The following CSMD1 variants were observed in gnomAD, a reference collection of about 807,000 sequenced individuals.
CSMD1 encodes the protein CUB and Sushi multiple domains 1.
A neutral mutation model predicts 417.5 loss-of-function variants in CSMD1; 213 were observed. That is an observed-to-expected ratio of 0.51 (90% CI 0.46 to 0.57). The LOEUF (loss-of-function observed/expected upper bound fraction) is 0.57. CSMD1 is among the 20% of genes least tolerant of loss of function. The pLI, the probability that CSMD1 is intolerant of heterozygous loss-of-function variation, is 0.00. For missense variants in CSMD1, 6,923 were observed against 4,529.7 expected (o/e 1.53, Z -15.17); for synonymous variants, 2,862 against 1,736.8 (o/e 1.65, Z -16.11).
intron 3 of CSMD1, among the ~76,000 whole-genome samples, chr8:4,321,577 G>T (rs928310203): frequency 6.6e-6 from 1 of 151,750 alleles, no homozygotes; most frequent in Admixed American, 6.6e-5. Context: ...TAAATGGTGT[G>T]AGTATCTGGT....
intron 68 of CSMD1, among the ~76,000 whole-genome samples, chr8:2,948,864 T>C (rs907712656): frequency 6.6e-6 from 1 of 152,096 alleles, no homozygotes; most frequent in Admixed American, 6.6e-5. Context: ...AACTTTGTCA[T>C]TCTGATAACT....
intron 23 of CSMD1, among the ~76,000 whole-genome samples, chr8:3,331,687 C>T (rs562181090): frequency 5.3e-5 from 8 of 152,274 alleles, no homozygotes; most frequent in Admixed American, 2.6e-4. Flanking sequence ...TTACCATGGC[C>T]CCCAAAGACA....
intron 26 of CSMD1, among the ~76,000 whole-genome samples, chr8:3,231,670 A>C (rs1798847540): frequency 1.3e-5 from 2 of 152,194 alleles, no homozygotes; most frequent in South Asian, 4.1e-4. Flanking sequence ...GGACAAGAGA[A>C]AATGTTAAAC....
chr8:3,667,817 C>T (rs971508678), intron 7 of CSMD1, among the ~76,000 whole-genome samples: 1 of 152,172 alleles, frequency 6.6e-6, no homozygotes, highest in African/African-American at 2.4e-5. Flanking sequence ...AGGGCAAATT[C>T]ATGAACAGCA....
chr8:4,302,357 T>C (rs1798024264), intron 3 of CSMD1, among the ~76,000 whole-genome samples: 1 of 152,222 alleles, frequency 6.6e-6, no homozygotes, highest in Non-Finnish European at 1.5e-5. Context: ...TTCATAGTGA[T>C]AATGTATCAA....
chr8:3,139,208 G>A (rs1818290466), intron 41 of CSMD1, among the ~76,000 whole-genome samples: 1 of 152,174 alleles, frequency 6.6e-6, no homozygotes, highest in Admixed American at 6.5e-5. Context: ...GGAGGCACAG[G>A]CACAAGAGTT....
intron 2 of CSMD1, among the ~76,000 whole-genome samples, chr8:4,420,638 A>G (rs978981193): frequency 2.0e-5 from 3 of 152,138 alleles, no homozygotes; most frequent in Non-Finnish European, 2.9e-5. Flanking sequence ...TGGTCGTGAA[A>G]CAATCTGTGT....
At chr8:3,625,138 T>C (rs1319635725) in intron 7 of CSMD1, among the ~76,000 whole-genome samples, 4 of 152,154 alleles carry the variant, frequency 2.6e-5, no homozygotes, top group Non-Finnish European at 4.4e-5. Context: ...CTGTTTTTTC[T>C]CTCATAGTAG....
chr8:4,414,639 A>C (rs1167835954), intron 3 of CSMD1, among the ~76,000 whole-genome samples: 1 of 152,200 alleles, frequency 6.6e-6, no homozygotes, highest in Admixed American at 6.5e-5. Context: ...GTTCACTAGA[A>C]AGAAAATCAA....
intron 1 of CSMD1, among the ~76,000 whole-genome samples, chr8:4,818,131 C>T (rs747434273): frequency 6.6e-6 from 1 of 152,012 alleles, no homozygotes; most frequent in Non-Finnish European, 1.5e-5. Context: ...GAAGCCTACT[C>T]GTAAAATTGC....
At chr8:4,306,976 G>A (rs907030104) in intron 3 of CSMD1, among the ~76,000 whole-genome samples, 2 of 152,122 alleles carry the variant, frequency 1.3e-5, no homozygotes, top group Non-Finnish European at 2.9e-5. Context: ...CAGATCGACT[G>A]TCTTTTCCCA....
chr8:4,404,869 C>A (rs547012745), intron 3 of CSMD1, among the ~76,000 whole-genome samples: 61 of 152,264 alleles, frequency 4.0e-4, no homozygotes, highest in African/African-American at 1.2e-3. Flanking sequence ...GCCACACTTC[C>A]ATGCACTTCA....
At chr8:4,462,978 T>C (rs1475046707) in intron 2 of CSMD1, among the ~76,000 whole-genome samples, 1 of 152,176 alleles carries the variant, frequency 6.6e-6, no homozygotes, top group Non-Finnish European at 1.5e-5. Flanking sequence ...TTTTAAACTT[T>C]GTATTTCAAA....
chr8:4,838,122 C>T (rs1165676639), intron 1 of CSMD1, among the ~76,000 whole-genome samples: 1 of 151,914 alleles, frequency 6.6e-6, no homozygotes, highest in Non-Finnish European at 1.5e-5. Context: ...AACAGTAAAA[C>T]TTTTTTTTAA....
intron 1 of CSMD1, among the ~76,000 whole-genome samples, chr8:4,701,677 C>A (rs1807562011): frequency 6.6e-6 from 1 of 151,954 alleles, no homozygotes; most frequent in African/African-American, 2.4e-5. Context: ...TCTGTCAAAC[C>A]TTTCTCCTTA....
At chr8:3,305,753 C>G (rs111726138) in intron 25 of CSMD1, among the ~76,000 whole-genome samples, 1 of 152,196 alleles carries the variant, frequency 6.6e-6, no homozygotes, top group Non-Finnish European at 1.5e-5. Flanking sequence ...GATCTCAGCT[C>G]ACTGCAGGCT....
chr8:3,310,590 C>A (rs1240975064), intron 23 of CSMD1, among the ~76,000 whole-genome samples: 1 of 152,178 alleles, frequency 6.6e-6, no homozygotes, highest in Non-Finnish European at 1.5e-5. Flanking sequence ...TTGGAAATAA[C>A]CATTAGGCAC....
At chr8:3,382,693 G>A (rs1410043223) in intron 18 of CSMD1, among the ~76,000 whole-genome samples, 1 of 150,134 alleles carries the variant, frequency 6.7e-6, no homozygotes, top group Non-Finnish European at 1.5e-5. Context: ...TCATAGATCT[G>A]TTGGCTTATT....
chr8:4,430,239 T>C (rs1255905216), intron 2 of CSMD1, among the ~76,000 whole-genome samples: 4 of 152,168 alleles, frequency 2.6e-5, no homozygotes, highest in African/African-American at 7.2e-5. Flanking sequence ...CCATGAATAC[T>C]GGGTCGGAGA....
Sources: allele counts gnomAD v4.1 joint callset (sites outside exome capture counted in the v4.1 genomes callset), GRCh38; gene constraint gnomAD v4.1.1; transcripts MANE v1.5; gene names NCBI Gene and HGNC (gene_info 2026-07-23, HGNC 2026-07-21).